The following ACSL3 variants were observed in gnomAD, a reference collection of about 807,000 sequenced individuals.
ACSL3 encodes the protein acyl-CoA synthetase long chain family member 3, also known as fatty acid CoA ligase Acsl3.
In ACSL3, 34 loss-of-function variants were observed where a neutral mutation model predicts 84.7. That is an observed-to-expected ratio of 0.40 (90% CI 0.31 to 0.53). The LOEUF (loss-of-function observed/expected upper bound fraction) is 0.53. Among genes scored for constraint, ACSL3 ranks in the 20% least tolerant of loss-of-function variants. ACSL3 has a pLI of 0.48. For synonymous variants in ACSL3, 315 were observed against 299.4 expected (o/e 1.05, Z -0.54); for missense variants, 680 against 873.1 (o/e 0.78, Z 2.79).
chr2:222,908,386 C>T (rs1696352471), intron 3 of ACSL3, among the ~76,000 whole-genome samples: 1 of 152,166 alleles, frequency 6.6e-6, no homozygotes, highest in Non-Finnish European at 1.5e-5. Flanking sequence ...CTTGCCATCC[C>T]TAATGCAGTG....
intron 9 of ACSL3, 94 bp from the exon 10 acceptor site, chr2:222,922,984 A>G: frequency 7.4e-7 from 1 of 1,344,996 alleles, no homozygotes; most frequent in South Asian, 1.3e-5. Context: ...TAAGTACATT[A>G]AAATAATTTA....
intron 9 of ACSL3, 114 bp downstream of exon 9, chr2:222,922,945 C>A: frequency 6.9e-7 from 1 of 1,455,202 alleles, no homozygotes; most frequent in Non-Finnish European, 9.4e-7. Context: ...TTAAAATGAG[C>A]TTTAGCCTTT....
chr2:222,920,739 C>T (rs1369038045), intron 7 of ACSL3, among the ~76,000 whole-genome samples: 1 of 152,190 alleles, frequency 6.6e-6, no homozygotes, highest in East Asian at 1.9e-4. Flanking sequence ...CAGAGTTCTT[C>T]CCGTGGCCTT....
chr2:222,894,236 A>G (rs1574532819), intron 2 of ACSL3, among the ~76,000 whole-genome samples: 2 of 152,282 alleles, frequency 1.3e-5, no homozygotes, highest in South Asian at 4.2e-4. Flanking sequence ...AATAACACAA[A>G]ATCCTGTCTG....
At chr2:222,937,762 T>C (rs1697212189) in intron 16 of ACSL3, among the ~76,000 whole-genome samples, 1 of 152,168 alleles carries the variant, frequency 6.6e-6, no homozygotes, top group South Asian at 2.1e-4. Flanking sequence ...AATCTGTATC[T>C]TTTAATTGGG....
At chr2:222,923,927 G>C (rs1001905619) in intron 10 of ACSL3, among the ~76,000 whole-genome samples, 1 of 152,194 alleles carries the variant, frequency 6.6e-6, no homozygotes, top group Non-Finnish European at 1.5e-5. Context: ...AATGGACCTA[G>C]CAAGCAAAAT....
At chr2:222,865,130 A>G (rs1018931389) in intron 1 of ACSL3, among the ~76,000 whole-genome samples, 1 of 152,096 alleles carries the variant, frequency 6.6e-6, no homozygotes. Flanking sequence ...CCTTCCTTAC[A>G]TGTTTATTTT....
In ACSL3 at chr2:222,908,875, A is replaced by G. The variant is rs755191431; in HGVS notation, c.103A>G (p.Ile35Val). The G allele has an allele frequency of 6.2e-5, 100 of 1,609,662 alleles. No individual in the cohort carries two copies. Among genetic ancestry groups the G allele is most frequent in the Non-Finnish European group, 6.9e-5 (81 of 1,176,954 alleles). ...ACATTTTCTAATATCACTTTATACT[A>G]TTTTAACATACATTCCGTTTTATTT... is the stretch of plus-strand genomic sequence containing the variant. ...FIHFLISLYTILTYIPFYFFS... is the reference protein window; with the variant it reads ...FIHFLISLYTVLTYIPFYFFS... Residue 35 changes from isoleucine to valine, a missense_variant, in exon 4 of 17, where the codon ATT becomes GTT. Ile to Val is a conservative substitution (Grantham distance 29). This residue lies in a region of ACSL3 where 333 missense variants were observed against 347.5 expected (regional missense o/e 0.96). Coordinates refer to ENST00000357430, the MANE Select transcript of ACSL3 (RefSeq NM_004457.5).
In ACSL3 at chr2:222,930,780, A is replaced by C. The variant is rs757449241; in HGVS notation, c.1700A>C (p.Glu567Ala). The C allele has an allele frequency of 1.2e-6, 2 of 1,609,824 alleles. No individual in the cohort carries two copies. The highest frequency in any genetic ancestry group is 1.7e-5 in the Admixed American group (1 of 58,724). ...QRWLCTGDIG[E>A]FEPDGCLKII... ...TGGCTCTGTACTGGGGATATTGGAG[A>C]GTTTGAACCCGATGGATGCTTAAAG... is the stretch of plus-strand genomic sequence containing the variant. The change falls in exon 14 of 17, where the codon GAG becomes GCG. Residue 567 changes from glutamate to alanine, a missense_variant. Coordinates refer to ENST00000357430, the MANE Select transcript of ACSL3 (RefSeq NM_004457.5).
Position 222,941,596 on chromosome 2 carries a change from G to T in ACSL3, c.2105G>T (p.Arg702Leu), listed in dbSNP as rs754373676. 2 of 1,613,208 alleles carry T rather than the reference G, an allele frequency of 1.2e-6. No individual in the cohort carries two copies. The highest frequency in any genetic ancestry group is 2.2e-5 in the East Asian group (1 of 44,814). Reference protein sequence around the residue: ...GLVTDAFKLKRKELKTHYQAD... With the variant: ...GLVTDAFKLKLKELKTHYQAD... ...GTGACAGATGCCTTCAAGCTGAAACGCAAAGAGCTTAAAACACATTACCAG... is the reference window on the plus strand; with the variant it reads ...GTGACAGATGCCTTCAAGCTGAAACTCAAAGAGCTTAAAACACATTACCAG... The change falls in exon 17 of 17, where the codon CGC (arginine) becomes CTC (leucine). Residue 702 changes from arginine (R) to leucine (L), a missense_variant. Physicochemically the swap from Arg to Leu is moderately radical, Grantham distance 102. Coordinates refer to ENST00000357430, the MANE Select transcript of ACSL3 (RefSeq NM_004457.5).
chr2:222,940,626 A>C (rs1249024779), intron 16 of ACSL3, among the ~76,000 whole-genome samples: 1 of 152,220 alleles, frequency 6.6e-6, no homozygotes. Flanking sequence ...GATACACTTA[A>C]ATACACAAAT....
At chr2:222,878,752 GTTC>G (rs147950040) in intron 1 of ACSL3, among the ~76,000 whole-genome samples, 6,845 of 152,138 alleles carry the variant, frequency 0.045, 243 homozygotes, top group East Asian at 0.1. Flanking sequence ...ATTTGTGTCT[GTTC>G]TTCTTGTATT....
At chr2:222,922,867 A>T in intron 9 of ACSL3, 36 bp downstream of exon 9, 1 of 1,611,902 alleles carries the variant, frequency 6.2e-7, no homozygotes, top group Admixed American at 1.7e-5. Flanking sequence ...ATACTAAAAA[A>T]TCATAGTGAA....
chr2:222,907,260 C>G (rs990231354), intron 3 of ACSL3, among the ~76,000 whole-genome samples: 1 of 152,094 alleles, frequency 6.6e-6, no homozygotes, highest in Non-Finnish European at 1.5e-5. Context: ...AGAGCTTCTG[C>G]CCTAAGAATG....
chr2:222,884,540 A>G (rs918731231), intron 1 of ACSL3, among the ~76,000 whole-genome samples: 1 of 152,144 alleles, frequency 6.6e-6, no homozygotes, highest in African/African-American at 2.4e-5. Context: ...GGCATTCCCT[A>G]TTATCAGTCC....
At chr2:222,919,267 C>A in intron 7 of ACSL3, 65 bp downstream of exon 7, 1 of 1,566,242 alleles carries the variant, frequency 6.4e-7, no homozygotes, top group South Asian at 1.2e-5. Context: ...AGAATTATGC[C>A]AAAGTTTTGA....
At position 222,941,557 on chromosome 2, in the gene ACSL3, C is replaced by T; in HGVS notation, c.2066C>T (p.Pro689Leu). 1 of 1,613,272 alleles carries T rather than the reference C, an allele frequency of 6.2e-7. No individual in the cohort carries two copies. The highest frequency in any genetic ancestry group is 8.5e-7 in the Non-Finnish European group (1 of 1,179,768). Residue 689 changes from proline (P) to leucine (L), a missense_variant, in exon 17 of 17, where the codon CCT becomes CTT. By Grantham distance (98) the Pro-to-Leu change is moderately conservative (BLOSUM62 -3). This residue lies in a region of ACSL3 where 347 missense variants were observed against 525.7 expected (regional missense o/e 0.66). Coordinates refer to ENST00000357430, the MANE Select transcript of ACSL3 (RefSeq NM_004457.5). ...KIRLSPEPWT[P>L]ETGLVTDAFK... The stretch of plus-strand genomic sequence containing the variant: ...CGTTTGAGTCCTGAACCGTGGACCC[C>T]TGAAACTGGTCTGGTGACAGATGCC...
At position 222,919,107 on chromosome 2, in the gene ACSL3, T is replaced by C. The variant is rs778554171; in HGVS notation, c.710T>C (p.Val237Ala). The change falls in exon 7 of 17, where the codon GTT (valine) becomes GCT (alanine). Residue 237 changes from valine to alanine, a missense_variant. Val to Ala is a moderately conservative substitution (Grantham distance 64). This residue lies in a region of ACSL3 where 333 missense variants were observed against 347.5 expected (regional missense o/e 0.96). Coordinates refer to ENST00000357430, the MANE Select transcript of ACSL3 (RefSeq NM_004457.5). ...CCACGCCTGCGGCACATCATCACTG[T>C]TGATGGAAAGCCACCGACCTGGTCC... is the stretch of plus-strand genomic sequence containing the variant. ...LVPRLRHIIT[V>A]DGKPPTWSEF... The C allele has an allele frequency of 6.2e-6, 10 of 1,614,038 alleles. No individual in the cohort carries two copies. Among genetic ancestry groups the C allele is most frequent in the Admixed American group, 3.3e-5 (2 of 60,006 alleles).
intron 13 of ACSL3, among the ~76,000 whole-genome samples, chr2:222,930,064 G>T (rs1696984517): frequency 6.6e-6 from 1 of 151,476 alleles, no homozygotes; most frequent in South Asian, 2.1e-4. Flanking sequence ...TAATAGCTGG[G>T]ATTTCAGGTG....
Sources: gnomAD v4.1 joint callset for allele counts (sites outside exome capture counted in the v4.1 genomes callset) on GRCh38, gnomAD v4.1.1 for gene constraint, gnomAD v4.1.1 regional missense constraint, MANE v1.5 for transcripts, NCBI Gene and HGNC (gene_info 2026-07-23, HGNC 2026-07-21) for gene names.